Variants in EPB41L5 observed in about 807,000 individuals in gnomAD.
EPB41L5 encodes the protein erythrocyte membrane protein band 4.1 like 5, also known as band 4.1-like protein 5.
Under a neutral mutation model 106.6 loss-of-function variants are expected in EPB41L5, and 55 were observed. That is an observed-to-expected ratio of 0.52 (90% confidence interval 0.42 to 0.65). The LOEUF is 0.65. EPB41L5 is among the 30% of genes least tolerant of loss of function. The pLI, the probability that EPB41L5 is intolerant of heterozygous loss-of-function variation, is 0.00. For missense variants in EPB41L5, 871 were observed against 882.1 expected (o/e 0.99, Z 0.16); for synonymous variants, 297 against 306.7 (o/e 0.97, Z 0.33).
chr2:120,106,479 A>G (rs1046492148), intron 16 of EPB41L5: 15 of 985,102 alleles, frequency 1.5e-5, no homozygotes, highest in African/African-American at 1.7e-5. Context: ...TACACTCTAC[A>G]TTTTATTATG....
At chr2:120,171,052 T>G (rs1376690967) in intron 24 of EPB41L5, among the ~76,000 whole-genome samples, 3 of 152,212 alleles carry the variant, frequency 2.0e-5, no homozygotes, top group Non-Finnish European at 2.9e-5. Context: ...CTCCACAGAT[T>G]TAGATTTACT....
chr2:120,073,234 A>G lies in EPB41L5; in HGVS notation c.328+14A>G. ...AGCAAGTAAAAAGTAAGTGCAGACAAAATTATTTGTGGGGGGGAAAGGAAA... is the reference window on the plus strand; with the variant it reads ...AGCAAGTAAAAAGTAAGTGCAGACAGAATTATTTGTGGGGGGGAAAGGAAA... On this transcript the variant is annotated intron_variant, in intron 4 of 24. Transcript: ENST00000263713. The G allele has an allele frequency of 6.3e-7, 1 of 1,598,534 alleles. No homozygotes were observed. The highest frequency in any genetic ancestry group is 8.5e-7 in the Non-Finnish European group (1 of 1,170,662).
chr2:120,170,738 A>G (rs1687639149), intron 24 of EPB41L5, among the ~76,000 whole-genome samples: 2 of 152,206 alleles, frequency 1.3e-5, no homozygotes, highest in African/African-American at 4.8e-5. Context: ...AGGAGTGTGA[A>G]CAGCTGGAGA....
intron 3 of EPB41L5, among the ~76,000 whole-genome samples, chr2:120,069,027 C>G (rs1226095199): frequency 6.7e-6 from 1 of 149,688 alleles, no homozygotes; most frequent in Non-Finnish European, 1.5e-5. Flanking sequence ...ACTTGGGAGG[C>G]TGAGGCAAGA....
Position 120,160,987 on chromosome 2 carries a change from T to C in EPB41L5, c.1887+13T>C, listed in dbSNP as rs369360011. 1.2e-6 allele frequency: 2 copies of C among 1,606,566 alleles called. No homozygotes were observed. Among genetic ancestry groups the C allele is most frequent in the Non-Finnish European group, 1.7e-6 (2 of 1,173,388 alleles). ...TTCTGTTCTAAAGGTAAGAATACTT[T>C]TACTTCTTAAAATTTTTGCCAAAGA... On this transcript the variant is annotated intron_variant, in intron 21 of 24. Transcript: ENST00000263713.
Position 120,163,263 on chromosome 2 carries a change from C to T in EPB41L5, c.1888-1573C>T, listed in dbSNP as rs933575153. 4.7e-4 allele frequency among the ~76,000 whole-genome samples: 64 copies of T among 135,810 alleles called. 2 individuals are homozygous for T. Among genetic ancestry groups the T allele is most frequent in the Admixed American group, 3.1e-3 (43 of 13,974 alleles). The allele number at this position is 135,810 out of a possible 152,430, so 89.1% of individuals were successfully genotyped here. A position where few individuals can be genotyped will look rare whatever the true frequency, so the allele number is the denominator to read the frequency against. ...GAGCAAGACCGTGTCCCTCTGCCCC[C>T]CCCCCCCCCAAAAAAAGAAAGAAAT... is the stretch of plus-strand genomic sequence containing the variant. On this transcript the variant is annotated intron_variant, in intron 21 of 24. Coordinates refer to ENST00000263713, the MANE Select transcript of EPB41L5 (RefSeq NM_020909.4).
At chr2:120,056,444 A>G (rs911391386) in intron 3 of EPB41L5, among the ~76,000 whole-genome samples, 3 of 151,922 alleles carry the variant, frequency 2.0e-5, no homozygotes, top group African/African-American at 7.3e-5. Flanking sequence ...GATGACAGGC[A>G]TGCACCACTG....
intron 22 of EPB41L5, among the ~76,000 whole-genome samples, chr2:120,165,967 C>CA (rs536664071): frequency 0.16 from 4,543 of 27,874 alleles, 958 homozygotes; most frequent in Non-Finnish European, 0.21. Context: ...GACTCCGTCT[C>CA]AAAAAAAAAA....
chr2:120,147,285 G>A (rs1181084239), intron 20 of EPB41L5, among the ~76,000 whole-genome samples: 1 of 152,178 alleles, frequency 6.6e-6, no homozygotes, highest in Non-Finnish European at 1.5e-5. Flanking sequence ...GGAGTTTGAG[G>A]CTGCAGTGAG....
rs1216809855 is a variant in EPB41L5, at chr2:120,160,978, A to G, written c.1887+4A>G. On this transcript the variant is annotated splice_donor_region_variant and intron_variant, in intron 21 of 24. Transcript: ENST00000263713. ...CGACAGTGGTTCTGTTCTAAAGGTA[A>G]GAATACTTTTACTTCTTAAAATTTT... 1.2e-6 allele frequency: 2 copies of G among 1,609,294 alleles called. No individual in the cohort carries two copies. The highest frequency in any genetic ancestry group is 2.2e-5 in the East Asian group (1 of 44,878).
intron 14 of EPB41L5, among the ~76,000 whole-genome samples, chr2:120,096,650 C>T (rs542470289): frequency 1.3e-5 from 2 of 152,020 alleles, no homozygotes; most frequent in East Asian, 1.9e-4. Context: ...ATCAGCTGGG[C>T]GTGGTGGTGC....
intron 20 of EPB41L5, among the ~76,000 whole-genome samples, chr2:120,154,349 G>A (rs999563397): frequency 6.0e-5 from 9 of 150,814 alleles, no homozygotes; most frequent in African/African-American, 2.2e-4. Flanking sequence ...ATTTTTAGTA[G>A]AGACAGGGTT....
rs565408411 is a variant in EPB41L5 at position 120,039,795 on chromosome 2, A to G, written c.181-2211A>G. Among the ~76,000 whole-genome samples, 4 of 150,574 alleles carry G rather than the reference A, an allele frequency of 2.7e-5. No individual in the cohort carries two copies. The East Asian group carries it at 7.9e-4, about 30-fold the overall frequency. On this transcript the variant is annotated intron_variant, in intron 2 of 24. Coordinates refer to ENST00000263713, the MANE Select transcript of EPB41L5 (RefSeq NM_020909.4). ...AGCTGAGATTGTGCCATTGCACTCC[A>G]GTCTGGGCAACAAGAGTGAAACTCT... is the stretch of plus-strand genomic sequence containing the variant.
At chr2:120,143,204 T>C in intron 19 of EPB41L5, 73 bp downstream of exon 19, 1 of 1,361,452 alleles carries the variant, frequency 7.3e-7, no homozygotes, top group Non-Finnish European at 9.9e-7. Context: ...CTTCCCCAAC[T>C]CTAAATTCTA....
At chr2:120,124,725 G>T (rs766647617) in intron 16 of EPB41L5, among the ~76,000 whole-genome samples, 4 of 151,954 alleles carry the variant, frequency 2.6e-5, no homozygotes, top group Non-Finnish European at 5.9e-5. Context: ...AAAGATTTCA[G>T]TTCATTTTTC....
intron 24 of EPB41L5, among the ~76,000 whole-genome samples, chr2:120,172,509 C>T (rs1455573564): frequency 1.3e-5 from 2 of 152,122 alleles, no homozygotes; most frequent in African/African-American, 4.8e-5. Flanking sequence ...AATTTCTCAC[C>T]CAGAGTTTTC....
At chr2:120,147,415 C>G (rs1010239657) in intron 20 of EPB41L5, among the ~76,000 whole-genome samples, 4 of 151,794 alleles carry the variant, frequency 2.6e-5, no homozygotes, top group Non-Finnish European at 5.9e-5. Flanking sequence ...CGCCTGAGGT[C>G]ATGAATTCAA....
At chr2:120,104,294 A>G in intron 16 of EPB41L5, 4 of 1,500,764 alleles carry the variant, frequency 2.7e-6, no homozygotes, top group Non-Finnish European at 3.5e-6. Context: ...GATGGTATAC[A>G]TTATCTGGTG....
chr2:120,169,193 A>G (rs1389529370), intron 24 of EPB41L5, among the ~76,000 whole-genome samples: 2 of 152,218 alleles, frequency 1.3e-5, no homozygotes, highest in Non-Finnish European at 2.9e-5. Context: ...TATGTAATAC[A>G]GTTTTCTGGT....
Sources: gnomAD v4.1 joint callset for allele counts (sites outside exome capture counted in the v4.1 genomes callset) on GRCh38, gnomAD v4.1.1 for gene constraint, MANE v1.5 for transcripts, NCBI Gene and HGNC (gene_info 2026-07-23, HGNC 2026-07-21) for gene names.